Variants in FOXK2 observed in about 807,000 individuals in gnomAD.
The protein encoded by FOXK2 is forkhead box protein K2.
A neutral mutation model predicts 53.3 loss-of-function variants in FOXK2; 24 were observed. The observed-to-expected ratio is 0.45, with a 90% CI of 0.33 to 0.63. The LOEUF is 0.63. Among genes scored for constraint, FOXK2 ranks in the 30% least tolerant of loss-of-function variants. The probability of loss-of-function intolerance (pLI) is 0.03; values close to 1 mark genes in which losing one functional copy is unlikely to be tolerated. For missense variants in FOXK2, 952 were observed against 910.5 expected (o/e 1.05, Z -0.59); for synonymous variants, 505 against 407.1 (o/e 1.24, Z -2.89).
At chr17:82,528,797 C>T (rs59986127) in intron 1 of FOXK2, among the ~76,000 whole-genome samples, 8,737 of 152,286 alleles carry the variant, frequency 0.057, 325 homozygotes, top group East Asian at 0.14. Context: ...CTGAGAATTC[C>T]GTAGATTTCT....
Position 82,563,332 on chromosome 17 carries a change from ATGG to A in FOXK2, c.420-18_420-16del. 1 of 1,604,844 alleles carries A rather than the reference ATGG, an allele frequency of 6.2e-7. No individual in the cohort carries two copies. The highest frequency in any genetic ancestry group is 8.5e-7 in the Non-Finnish European group (1 of 1,175,294). On this transcript the variant is annotated intron_variant, in intron 1 of 8. Transcript: ENST00000335255. ...CCGGCTGGAACAGCAAAAGGTGCTG[ATGG>A]TGGGCTTTTCTTTTCCAGGTGCACA...
chr17:82,538,449 C>A (rs961464836), intron 1 of FOXK2, among the ~76,000 whole-genome samples: 1 of 152,178 alleles, frequency 6.6e-6, no homozygotes, highest in Non-Finnish European at 1.5e-5. Flanking sequence ...CGTGCCGCTG[C>A]GCTCCAACCT....
intron 1 of FOXK2, among the ~76,000 whole-genome samples, chr17:82,525,444 G>T (rs1034098848): frequency 1.3e-5 from 2 of 152,150 alleles, no homozygotes; most frequent in South Asian, 4.1e-4. Flanking sequence ...CTCCCAAAGT[G>T]CTGGGATTAC....
In FOXK2 at chr17:82,601,693, A is replaced by C; in HGVS notation, c.*194A>C. On this transcript the variant is annotated 3_prime_UTR_variant, in exon 9 of 9. Coordinates refer to ENST00000335255, the MANE Select transcript of FOXK2 (RefSeq NM_004514.4). ...TTGAACAAAACCCACACACAACAAAACCTGATTTGGGAGACGGTGTCTCCA... is the reference window on the plus strand; with the variant it reads ...TTGAACAAAACCCACACACAACAAACCCTGATTTGGGAGACGGTGTCTCCA... 1.9e-6 allele frequency: 1 copy of C among 525,118 alleles called. No homozygotes were observed. Among genetic ancestry groups the C allele is most frequent in the Non-Finnish European group, 3.4e-6 (1 of 296,934 alleles). 32.5% of individuals were successfully genotyped at this position (525,118 alleles called of 1,614,324 possible). A position where few individuals can be genotyped will look rare whatever the true frequency, so the allele number is the denominator to read the frequency against.
rs1567975420 is a variant in FOXK2, at chr17:82,563,750, C to CTTTTTTTTTTTTTTTTTTTTT, written c.614+202_614+203insTTTTTTTTTTTTTTTTTTTTT. ...GTTCCTGGTTTTTATTTACTCATTC[C>CTTTTTTTTTTTTTTTTTTTTT]CTTTTTTTTTTTTTTTTTTGAGAAG... On this transcript the variant is annotated intron_variant, in intron 2 of 8. Coordinates refer to ENST00000335255, the MANE Select transcript of FOXK2 (RefSeq NM_004514.4). Among the ~76,000 whole-genome samples, 16 of 94,616 alleles carry CTTTTTTTTTTTTTTTTTTTTT rather than the reference C, an allele frequency of 1.7e-4. 7 individuals carry two copies. Among genetic ancestry groups the CTTTTTTTTTTTTTTTTTTTTT allele is most frequent in the Non-Finnish European group, 1.3e-4 (6 of 46,242 alleles). The allele number at this position is 94,616 out of a possible 152,430, so 62.1% of individuals were successfully genotyped here.
At chr17:82,554,517 T>G (rs796645008) in intron 1 of FOXK2, among the ~76,000 whole-genome samples, 32 of 152,296 alleles carry the variant, frequency 2.1e-4, no homozygotes, top group African/African-American at 7.7e-4. Context: ...GTTGTTGGTT[T>G]GTTCAAGTGA....
At chr17:82,583,310 C>T (rs1012247076) in intron 5 of FOXK2, among the ~76,000 whole-genome samples, 18 of 152,042 alleles carry the variant, frequency 1.2e-4, no homozygotes, top group South Asian at 4.1e-4. Context: ...TTTGGGAGGC[C>T]GAGGCGGGCG....
intron 1 of FOXK2, among the ~76,000 whole-genome samples, chr17:82,532,648 G>GTGAT (rs1038741263): frequency 1.6e-4 from 25 of 152,220 alleles, no homozygotes; most frequent in African/African-American, 5.5e-4. Flanking sequence ...GTGCAATGGT[G>GTGAT]TGATTGTGGC....
chr17:82,584,063 G>T lies in FOXK2; in HGVS notation c.1154G>T (p.Ser385Ile). The T allele has an allele frequency of 6.2e-7, 1 of 1,611,862 alleles. No individual in the cohort carries two copies. The highest frequency in any genetic ancestry group is 8.5e-7 in the Non-Finnish European group (1 of 1,179,814). ...GCGGGAGTGCTGTCTGCTCACTCTA[G>T]TGGCGCCCAGACCCCTGAGAGCCTG... ...NHAGVLSAHS[S>I]GAQTPESLSR... Residue 385 changes from serine to isoleucine, a missense_variant, in exon 6 of 9, where the codon AGT becomes ATT. Around this residue, in one of 5 missense-constraint regions of FOXK2, gnomAD observed 551 missense variants for 385.1 expected, o/e 1.43. Coordinates refer to ENST00000335255, the MANE Select transcript of FOXK2 (RefSeq NM_004514.4).
Position 82,603,433 on chromosome 17 carries a change from T to C in FOXK2, c.*1934T>C, listed in dbSNP as rs548019313. ...ACAGCTGATGGGGTTCTCTGATTGA[T>C]AGGAGACGAGCTCTTGAGCTCTAAG... On this transcript the variant is annotated 3_prime_UTR_variant, in exon 9 of 9. Coordinates refer to ENST00000335255, the MANE Select transcript of FOXK2 (RefSeq NM_004514.4). 5.9e-5 allele frequency: 9 copies of C among 152,348 alleles called. No homozygotes were observed. Among genetic ancestry groups the C allele is most frequent in the Admixed American group, 4.6e-4 (7 of 15,292 alleles). 9.4% of individuals were successfully genotyped at this position (152,348 alleles called of 1,614,324 possible).
At chr17:82,547,657 AACTT>A (rs2044639541) in intron 1 of FOXK2, among the ~76,000 whole-genome samples, 1 of 152,174 alleles carries the variant, frequency 6.6e-6, no homozygotes, top group Non-Finnish European at 1.5e-5. Flanking sequence ...ACATAAAACA[AACTT>A]AAGGGTACCT....
At chr17:82,546,601 A>G (rs959520397) in intron 1 of FOXK2, among the ~76,000 whole-genome samples, 10 of 151,848 alleles carry the variant, frequency 6.6e-5, no homozygotes, top group African/African-American at 2.4e-4. Flanking sequence ...GCTGCGTCCC[A>G]GTGTCAAACA....
chr17:82,561,918 T>C (rs1472570037), intron 1 of FOXK2, among the ~76,000 whole-genome samples: 1 of 73,424 alleles, frequency 1.4e-5, no homozygotes, highest in Non-Finnish European at 3.0e-5. Context: ...GGGGGGGGGG[T>C]GCCCGCACTG....
At chr17:82,539,922 T>C (rs892489724) in intron 1 of FOXK2, among the ~76,000 whole-genome samples, 4 of 150,614 alleles carry the variant, frequency 2.7e-5, no homozygotes, top group Non-Finnish European at 4.4e-5. Context: ...GCTGGGATCA[T>C]GCCACTGCAC....
chr17:82,544,018 C>T lies in FOXK2; in HGVS notation c.420-19336C>T, dbSNP rs1294951880. Among the ~76,000 whole-genome samples, 6 of 152,058 alleles carry T rather than the reference C, an allele frequency of 3.9e-5. 1 individual carries two copies. The South Asian group carries it at 1.0e-3, about 26-fold the overall frequency. On this transcript the variant is annotated intron_variant, in intron 1 of 8. Coordinates refer to ENST00000335255, the MANE Select transcript of FOXK2 (RefSeq NM_004514.4). ...GTCTCAATCTCCTGACCTCGTGATC[C>T]GCCCGCCTCAGCCTCCCAAAGTGCT...
At chr17:82,567,107 C>T (rs1459616816) in intron 2 of FOXK2, among the ~76,000 whole-genome samples, 3 of 152,196 alleles carry the variant, frequency 2.0e-5, no homozygotes, top group East Asian at 1.9e-4. Context: ...CCTTTCCCTC[C>T]TCCCCCCCAC....
intron 1 of FOXK2, 70 bp downstream of exon 1, chr17:82,520,377 G>A (rs962111119): frequency 3.4e-6 from 4 of 1,184,466 alleles, no homozygotes; most frequent in Non-Finnish European, 4.2e-6. Context: ...GACGGGACAC[G>A]CGCCCAGGCC....
intron 1 of FOXK2, among the ~76,000 whole-genome samples, chr17:82,558,474 A>G (rs2044756364): frequency 6.6e-6 from 1 of 152,228 alleles, no homozygotes; most frequent in African/African-American, 2.4e-5. Context: ...CTCACAGATA[A>G]TATGGGGGTG....
chr17:82,555,728 CA>C lies in FOXK2; in HGVS notation c.420-7611del, dbSNP rs369431923. Among the ~76,000 whole-genome samples the C allele has an allele frequency of 3.5e-3, 440 of 124,594 alleles. 5 individuals are homozygous for C. Among genetic ancestry groups the C allele is most frequent in the Middle Eastern group, 0.012 (3 of 250 alleles). 81.7% of individuals were successfully genotyped at this position (124,594 alleles called of 152,430 possible). ...TGAAACCCCGTCTCTACTAAAAATA[CA>C]AAAAAAAAAAAAAATTGGCGTGGGG... On this transcript the variant is annotated intron_variant, in intron 1 of 8. Coordinates refer to ENST00000335255, the MANE Select transcript of FOXK2 (RefSeq NM_004514.4).
Sources: gnomAD v4.1 joint callset for allele counts (sites outside exome capture counted in the v4.1 genomes callset) on GRCh38, gnomAD v4.1.1 for gene constraint, gnomAD v4.1.1 regional missense constraint, MANE v1.5 for transcripts, NCBI Gene and HGNC (gene_info 2026-07-23, HGNC 2026-07-21) for gene names.